KIF26B: variants seen among roughly 807,000 people sequenced by gnomAD.
KIF26B encodes kinesin family member 26B, also known as kinesin-like protein KIF26B.
Under a neutral mutation model 151.2 loss-of-function variants are expected in KIF26B, and 63 were observed. The observed-to-expected ratio is 0.42, with a 90% CI of 0.34 to 0.51. KIF26B has a LOEUF of 0.51. KIF26B is among the 20% of genes least tolerant of loss of function. The probability of loss-of-function intolerance (pLI) is 0.07; values close to 1 mark genes in which losing one functional copy is unlikely to be tolerated. For missense variants in KIF26B, 2,813 were observed against 2,913.6 expected (o/e 0.97, Z 0.79); for synonymous variants, 1,357 against 1,262.1 (o/e 1.08, Z -1.59).
At chr1:245,234,463 C>T (rs1050640274) in intron 2 of KIF26B, 3 of 152,392 alleles carry the variant, frequency 2.0e-5, no homozygotes, top group African/African-American at 7.2e-5. Flanking sequence ...ATGGGTCTCC[C>T]AGGCCTCAGG....
At chr1:245,287,289 T>G (rs1671179101) in intron 2 of KIF26B, among the ~76,000 whole-genome samples, 1 of 152,176 alleles carries the variant, frequency 6.6e-6, no homozygotes, top group African/African-American at 2.4e-5. Flanking sequence ...TATGGTTCAT[T>G]TCGTGTACTG....
chr1:245,511,234 A>G, intron 4 of KIF26B: 1 of 679,590 alleles, frequency 1.5e-6, no homozygotes. Context: ...AGTAAAAATA[A>G]AATGCATAAA....
At chr1:245,532,524 C>T (rs551497586) in intron 4 of KIF26B, among the ~76,000 whole-genome samples, 4 of 152,138 alleles carry the variant, frequency 2.6e-5, no homozygotes, top group East Asian at 3.9e-4. Context: ...GGATTACAGG[C>T]GTGAGGGGAA....
intron 2 of KIF26B, among the ~76,000 whole-genome samples, chr1:245,342,586 C>G (rs1672357163): frequency 6.6e-6 from 1 of 151,972 alleles, no homozygotes; most frequent in African/African-American, 2.4e-5. Flanking sequence ...CTATTTTTCC[C>G]AAAGACCCGG....
chr1:245,423,365 G>A (rs1013533006), intron 4 of KIF26B, among the ~76,000 whole-genome samples: 3 of 152,120 alleles, frequency 2.0e-5, no homozygotes, highest in African/African-American at 7.2e-5. Context: ...CTGACCCAGA[G>A]CCACATAGCC....
intron 5 of KIF26B, among the ~76,000 whole-genome samples, chr1:245,566,281 T>G (rs2043009589): frequency 6.6e-6 from 1 of 152,260 alleles, no homozygotes. Flanking sequence ...CAAGATGAGT[T>G]CCTCTTGGTT....
chr1:245,246,926 CACAG>C (rs1252890875), intron 2 of KIF26B, among the ~76,000 whole-genome samples: 4 of 149,618 alleles, frequency 2.7e-5, no homozygotes, highest in South Asian at 2.1e-4. Context: ...CACACACAGA[CACAG>C]ACACACACAG....
intron 5 of KIF26B, among the ~76,000 whole-genome samples, chr1:245,546,533 T>C (rs1303874117): frequency 6.6e-6 from 1 of 152,192 alleles, no homozygotes; most frequent in African/African-American, 2.4e-5. Context: ...TCCTTCCTCA[T>C]CCTGAAGCAT....
At chr1:245,552,378 A>G (rs946869394) in intron 5 of KIF26B, among the ~76,000 whole-genome samples, 1 of 152,100 alleles carries the variant, frequency 6.6e-6, no homozygotes, top group African/African-American at 2.4e-5. Flanking sequence ...ACATTATGGA[A>G]GGTCGTCTGA....
intron 9 of KIF26B, among the ~76,000 whole-genome samples, chr1:245,621,580 T>C (rs2043660928): frequency 6.6e-6 from 1 of 152,240 alleles, no homozygotes; most frequent in South Asian, 2.1e-4. Flanking sequence ...CAAGGCAGAC[T>C]GAGTTGTGTT....
rs753429012 is a variant in KIF26B, at chr1:245,687,036, C to G, written c.4053C>G (p.Phe1351Leu). 3.1e-6 allele frequency: 5 copies of G among 1,613,344 alleles called. No individual in the cohort carries two copies. Among genetic ancestry groups the G allele is most frequent in the Non-Finnish European group, 4.2e-6 (5 of 1,179,762 alleles). ...LILSEMGDDS[F>L]NKAAPIKGCK... Reference sequence around the variant, plus strand: ...TGTCTGAGATGGGAGATGACTCTTTCAACAAAGCAGCCCCCATCAAAGGCT... The same window carrying G: ...TGTCTGAGATGGGAGATGACTCTTTGAACAAAGCAGCCCCCATCAAAGGCT... The change falls in exon 12 of 15, where the codon TTC (phenylalanine) becomes TTG (leucine). Residue 1351 changes from phenylalanine to leucine, a missense_variant. Physicochemically the swap from Phe to Leu is conservative, Grantham distance 22 (BLOSUM62 0). Coordinates refer to ENST00000407071, the MANE Select transcript of KIF26B (RefSeq NM_018012.4). The surrounding 1 kb of genome is among the most constrained non-coding windows in gnomAD (Gnocchi z 4.9).
Position 245,703,412 on chromosome 1 carries a change from T to TAGAG in KIF26B, c.*808_*811dup, listed in dbSNP as rs1246334448. The TAGAG allele has an allele frequency of 6.6e-6, 1 of 152,124 alleles. No homozygotes were observed. Among genetic ancestry groups the TAGAG allele is most frequent in the Non-Finnish European group, 1.5e-5 (1 of 68,028 alleles). 9.4% of individuals were successfully genotyped at this position (152,124 alleles called of 1,614,324 possible). A position where few individuals can be genotyped will look rare whatever the true frequency, so the allele number is the denominator to read the frequency against. ...AAGGTTGATTGTGGGGCAGGTGCTT[T>TAGAG]AGAGAACAGGTGAGGAGACGGCACC... On this transcript the variant is annotated 3_prime_UTR_variant, in exon 15 of 15. Coordinates refer to ENST00000407071, the MANE Select transcript of KIF26B (RefSeq NM_018012.4).
At chr1:245,300,408 C>T (rs1671408368) in intron 2 of KIF26B, among the ~76,000 whole-genome samples, 1 of 152,188 alleles carries the variant, frequency 6.6e-6, no homozygotes, top group Non-Finnish European at 1.5e-5. Flanking sequence ...CCAGGTCAAG[C>T]CAACTCATTA....
rs1432230756 is a variant in KIF26B, at chr1:245,155,318, A to AG, written c.-104dup. On this transcript the variant is annotated 5_prime_UTR_variant, in exon 1 of 15. Transcript: ENST00000407071. ...CCACCGCTGAAGAAACCTTGCCCTG[A>AG]GGGCTGAGAGCCAGCCCCCTGCAGC... is the stretch of plus-strand genomic sequence containing the variant. The AG allele has an allele frequency of 1.1e-5, 10 of 872,878 alleles. No individual in the cohort carries two copies. Among genetic ancestry groups the AG allele is most frequent in the Non-Finnish European group, 1.8e-5 (10 of 541,970 alleles). 54.1% of individuals were successfully genotyped at this position (872,878 alleles called of 1,614,324 possible).
chr1:245,592,018 C>T (rs73137648), intron 5 of KIF26B, among the ~76,000 whole-genome samples: 1,658 of 152,308 alleles, frequency 0.011, 34 homozygotes, highest in African/African-American at 0.038. Context: ...TGATGAAGAC[C>T]TTTAGGGAAT....
rs77197548 is a variant in KIF26B, at chr1:245,260,626, G to A, written c.465+103943G>A. On this transcript the variant is annotated intron_variant, in intron 2 of 14. Coordinates refer to ENST00000407071, the MANE Select transcript of KIF26B (RefSeq NM_018012.4). ...GCGGTCAGTGCTCACACCACCTGGT[G>A]GAATTTCCTTCCTTTGACTGGCAGG... 5.6e-3 allele frequency among the ~76,000 whole-genome samples: 851 copies of A among 152,322 alleles called. 10 individuals are homozygous for A. The East Asian group carries it at 0.071, about 13-fold the overall frequency.
chr1:245,510,927 T>C, intron 4 of KIF26B: 1 of 615,866 alleles, frequency 1.6e-6, no homozygotes. Context: ...GGGTCTGCTC[T>C]GAGAGTTCTC....
Position 245,688,699 on chromosome 1 carries a change from G to A in KIF26B, c.5716G>A (p.Glu1906Lys). ...CTACGAGAGCGTGATGCGGGACAGCGAGGCCACCGGCAGCGCGTCCTCGGC... is the reference window on the plus strand; with the variant it reads ...CTACGAGAGCGTGATGCGGGACAGCAAGGCCACCGGCAGCGCGTCCTCGGC... ...SGYESVMRDS[E>K]ATGSASSAQD... Residue 1906 changes from glutamate (E) to lysine (K), a missense_variant, in exon 12 of 15, where the codon GAG becomes AAG. Glu to Lys is a moderately conservative substitution (Grantham distance 56, BLOSUM62 1). This residue lies in a region of KIF26B where 2,060 missense variants were observed against 2,088.6 expected (regional missense o/e 0.99). Coordinates refer to ENST00000407071, the MANE Select transcript of KIF26B (RefSeq NM_018012.4). 1.2e-6 allele frequency: 2 copies of A among 1,607,034 alleles called. No homozygotes were observed. Among genetic ancestry groups the A allele is most frequent in the Non-Finnish European group, 1.7e-6 (2 of 1,177,678 alleles).
chr1:245,156,291 G>C lies in KIF26B; in HGVS notation c.73G>C (p.Val25Leu), dbSNP rs1401964895. Residue 25 changes from valine (V) to leucine (L), a missense_variant, in exon 2 of 15, where the codon GTC (valine) becomes CTC (leucine). Transcript: ENST00000407071. ...CGTGTCTTCCCCGCAGGTGAATGAAGTCTGCTCGCCCACCAAGCCCGCAGC... is the reference window on the plus strand; with the variant it reads ...CGTGTCTTCCCCGCAGGTGAATGAACTCTGCTCGCCCACCAAGCCCGCAGC... ...TRGKKYGVNE[V>L]CSPTKPAAPF... The C allele has an allele frequency of 6.5e-7, 1 of 1,546,938 alleles. No individual in the cohort carries two copies. Among genetic ancestry groups the C allele is most frequent in the African/African-American group, 1.4e-5 (1 of 72,490 alleles).
Sources: allele counts gnomAD v4.1 joint callset (sites outside exome capture counted in the v4.1 genomes callset), GRCh38; gene constraint gnomAD v4.1.1; regional missense constraint gnomAD v4.1.1; non-coding constraint Gnocchi (gnomAD v3.1); transcripts MANE v1.5; gene names NCBI Gene and HGNC (gene_info 2026-07-23, HGNC 2026-07-21).